The following GPR137 variants were observed in gnomAD, a reference collection of about 807,000 sequenced individuals.
GPR137 encodes integral membrane protein GPR137.
In GPR137, 20 loss-of-function variants were observed where a neutral mutation model predicts 38.9. The observed-to-expected ratio is 0.51, with a 90% CI of 0.36 to 0.75. The LOEUF is 0.75. Ranked by LOEUF, GPR137 falls within the 30% of genes least tolerant of loss-of-function variation. The pLI is 0.00. For missense variants in GPR137, 456 were observed against 526.4 expected, an observed-to-expected ratio of 0.87 and a Z score of 1.31; for synonymous variants, 226 against 235.8, an observed-to-expected ratio of 0.96 and a Z score of 0.38.
chr11:64,285,159 G>A (rs956317329), upstream of GPR137: 18 of 992,244 alleles, frequency 1.8e-5, no homozygotes, highest in South Asian at 1.8e-4. Flanking sequence ...CTGGGTGCCC[G>A]GTCGGAAAGT....
At chr11:64,284,476 G>A (rs763629672), upstream of GPR137, 2 of 1,590,142 alleles carry the variant, frequency 1.3e-6, no homozygotes, top group Non-Finnish European at 1.7e-6. Context: ...CCACCGTAGC[G>A]CCCCCAGGCC....
upstream of GPR137, among the ~76,000 whole-genome samples, chr11:64,273,606 C>T (rs1179562121): frequency 1.3e-5 from 2 of 151,666 alleles, no homozygotes; most frequent in East Asian, 1.9e-4. Flanking sequence ...GGGGGCTGGG[C>T]GCAGTGGCTC....
At chr11:64,271,381 TCACA>T (rs58303026), upstream of GPR137, among the ~76,000 whole-genome samples, 1,930 of 60,228 alleles carry the variant, frequency 0.032, 89 homozygotes, top group Non-Finnish European at 0.044. Flanking sequence ...GCCCTGTGAC[TCACA>T]CACACACACA....
rs914456318 is a variant in GPR137 at position 64,288,790 on chromosome 11, G to A, written c.1031+69G>A. The A allele has an allele frequency of 3.2e-6, 4 of 1,266,376 alleles. No homozygotes were observed. Among genetic ancestry groups the A allele is most frequent in the Non-Finnish European group, 4.2e-6 (4 of 951,044 alleles). The allele number at this position is 1,266,376 out of a possible 1,614,324, so 78.4% of individuals were successfully genotyped here. A position where few individuals can be genotyped will look rare whatever the true frequency, so the allele number is the denominator to read the frequency against. On this transcript the variant is annotated intron_variant, in intron 6 of 6. Coordinates refer to ENST00000438980, the MANE Select transcript of GPR137 (RefSeq NM_001170880.2). This position sits in a 1 kb window ranked among gnomAD's most constrained non-coding sequence, Gnocchi z 5.5. The stretch of plus-strand genomic sequence containing the variant: ...CACCCCGCTGGCTCCATCAAGCTAT[G>A]GGGGACCGAGATAGCCGGGTCTTGC...
At chr11:64,279,540 G>A (rs1428435254), upstream of GPR137, among the ~76,000 whole-genome samples, 1 of 152,104 alleles carries the variant, frequency 6.6e-6, no homozygotes, top group Non-Finnish European at 1.5e-5. Context: ...GCTGAGGCGG[G>A]TGGATCACGA....
At chr11:64,274,540 A>G (rs961005207), upstream of GPR137, among the ~76,000 whole-genome samples, 3 of 151,074 alleles carry the variant, frequency 2.0e-5, no homozygotes, top group Admixed American at 1.3e-4. Context: ...ATACAAAAAA[A>G]GGCCAGGTGT....
At chr11:64,284,397 G>A (rs749321296), upstream of GPR137, 10 of 1,611,586 alleles carry the variant, frequency 6.2e-6, no homozygotes, top group South Asian at 9.9e-5. Context: ...AAGATGTTAC[G>A]TAGTCAAGGC....
upstream of GPR137, among the ~76,000 whole-genome samples, chr11:64,275,465 G>A (rs1370203421): frequency 6.6e-6 from 1 of 152,112 alleles, no homozygotes; most frequent in African/African-American, 2.4e-5. Flanking sequence ...TGAAATGGGG[G>A]CAGTTCCCCA....
rs2034459356 is a variant in GPR137, at chr11:64,288,858, G to A, written c.1031+137G>A. 1.4e-6 allele frequency: 2 copies of A among 1,443,736 alleles called. No homozygotes were observed. Among genetic ancestry groups the A allele is most frequent in the Admixed American group, 2.8e-5 (1 of 35,974 alleles). The allele number at this position is 1,443,736 out of a possible 1,614,324, so 89.4% of individuals were successfully genotyped here. ...GCCTTTGCTTCCCCATCTGTACTAG[G>A]TGAGGTCCCCTGGGTTCCTATTGCT... is the stretch of plus-strand genomic sequence containing the variant. On this transcript the variant is annotated intron_variant, in intron 6 of 6. Transcript: ENST00000438980. The surrounding 1 kb of genome is among the most constrained non-coding windows in gnomAD (Gnocchi z 5.5).
chr11:64,272,991 T>A (rs2032751899), upstream of GPR137: 1 of 152,072 alleles, frequency 6.6e-6, no homozygotes, highest in South Asian at 2.1e-4. Flanking sequence ...TTTGGGAGGC[T>A]GAGGCAGGTG....
chr11:64,284,901 G>C, upstream of GPR137: 1 of 1,433,500 alleles, frequency 7.0e-7, no homozygotes, highest in East Asian at 2.6e-5. Context: ...GGCGTGTGTG[G>C]GAGCAGGAGA....
chr11:64,271,757 CGCG>C, upstream of GPR137: 1 of 1,445,622 alleles, frequency 6.9e-7, no homozygotes, highest in South Asian at 1.5e-5. Flanking sequence ...CCTCCGTCCC[CGCG>C]GGGTAGGAGC....
upstream of GPR137, chr11:64,284,280 C>T: frequency 6.2e-7 from 1 of 1,611,824 alleles, no homozygotes; most frequent in South Asian, 1.1e-5. Context: ...GCCTGAGGGC[C>T]CGTCCCCTGC....
Position 64,288,947 on chromosome 11 carries a change from G to T in GPR137, c.1032-90G>T. ...GGGCCCCGAAGGTCTAGGTCACAGGGGTTCTGTTCTAAGCCTGTCTTCCTC... is the reference window on the plus strand; with the variant it reads ...GGGCCCCGAAGGTCTAGGTCACAGGTGTTCTGTTCTAAGCCTGTCTTCCTC... On this transcript the variant is annotated intron_variant, in intron 6 of 6. Transcript: ENST00000438980. This position sits in a 1 kb window ranked among gnomAD's most constrained non-coding sequence, Gnocchi z 5.5. The T allele has an allele frequency of 2.1e-6, 3 of 1,450,246 alleles. No individual in the cohort carries two copies. The South Asian group carries it at 4.3e-5, about 21-fold the overall frequency. The allele number at this position is 1,450,246 out of a possible 1,614,324, so 89.8% of individuals were successfully genotyped here.
chr11:64,279,033 TG>T (rs914623815), intron 2 of GPR137, among the ~76,000 whole-genome samples: 1 of 152,144 alleles, frequency 6.6e-6, no homozygotes, highest in African/African-American at 2.4e-5. Flanking sequence ...CAGCTGGGGC[TG>T]GGGGGAGGTG....
chr11:64,285,505 A>G, upstream of GPR137: 1 of 985,050 alleles, frequency 1.0e-6, no homozygotes, highest in South Asian at 4.7e-5. Context: ...AGTTTTCTTC[A>G]GAGACCGAGG....
At chr11:64,271,487 A>G, upstream of GPR137, 1 of 994,850 alleles carries the variant, frequency 1.0e-6, no homozygotes, top group Non-Finnish European at 1.3e-6. Flanking sequence ...CTAGGAAGGA[A>G]CAGGACGGCT....
At chr11:64,284,870 T>G, upstream of GPR137, 4 of 1,473,738 alleles carry the variant, frequency 2.7e-6, no homozygotes, top group East Asian at 2.5e-5. Context: ...GGGGCTCACA[T>G]CCTCGCTGCC....
chr11:64,284,857 C>G (rs2033776061), upstream of GPR137: 3 of 1,496,424 alleles, frequency 2.0e-6, no homozygotes, highest in Admixed American at 4.4e-5. Flanking sequence ...CTCCTTCGGC[C>G]CCGGGGCTCA....
Sources: allele counts gnomAD v4.1 joint callset (sites outside exome capture counted in the v4.1 genomes callset), GRCh38; gene constraint gnomAD v4.1.1; non-coding constraint Gnocchi (gnomAD v3.1); transcripts MANE v1.5; gene names NCBI Gene and HGNC (gene_info 2026-07-23, HGNC 2026-07-21).